Variants in YIPF3 observed in about 807,000 individuals in gnomAD.
The protein encoded by YIPF3 is Yip1 domain family member 3, also known as protein YIPF3.
YIPF3 carries 18 observed loss-of-function variants against 40.3 expected under a neutral mutation model. The observed-to-expected ratio is 0.45, with a 90% CI of 0.31 to 0.66. The LOEUF is 0.66. YIPF3 is among the 30% of genes least tolerant of loss of function. The pLI, the probability that YIPF3 is intolerant of heterozygous loss-of-function variation, is 0.07. For missense variants in YIPF3, 406 were observed against 452.2 expected, an observed-to-expected ratio of 0.90 and a Z score of 0.93; for synonymous variants, 190 against 179.6, an observed-to-expected ratio of 1.06 and a Z score of -0.46.
chr6:43,515,777 T>C, intron 2 of YIPF3, 76 bp from the exon 3 acceptor site: 2 of 1,605,776 alleles, frequency 1.2e-6, no homozygotes, highest in Non-Finnish European at 1.7e-6. Context: ...CCGTTTGATT[T>C]CTACATGGTT....
At chr6:43,516,678 A>G (rs1267834978) in intron 1 of YIPF3, 49 bp downstream of exon 1, 2 of 1,601,904 alleles carry the variant, frequency 1.2e-6, no homozygotes, top group African/African-American at 2.7e-5. Flanking sequence ...ACACTTCTGG[A>G]CATCGCCGGC....
chr6:43,515,906 G>T lies in YIPF3; in HGVS notation c.271C>A (p.Arg91=), dbSNP rs1199087219. 8.8e-6 allele frequency: 14 copies of T among 1,599,390 alleles called. No homozygotes were observed. The highest frequency in any genetic ancestry group is 1.1e-5 in the South Asian group (1 of 89,980). Residue 91 remains arginine, a synonymous_variant, in exon 2 of 9, where the codon CGG becomes AGG. Transcript: ENST00000372422. Reference sequence around the variant, plus strand: ...TTGCTTACCTGATCTGCCACCTGCCGGCTCAGCTGTCCCTTAAAGCCCTTC... The same window carrying T: ...TTGCTTACCTGATCTGCCACCTGCCTGCTCAGCTGTCCCTTAAAGCCCTTC... The part of the protein sequence containing the change: ...GMKGFKGQLS[R]QVADQMWQAG...
At chr6:43,515,846 C>T (rs778825672) in intron 2 of YIPF3, 43 bp downstream of exon 2, 12 of 1,585,312 alleles carry the variant, frequency 7.6e-6, no homozygotes, top group Non-Finnish European at 1.0e-5. Context: ...CGGGACATAC[C>T]TAGGTCTACT....
In YIPF3 at chr6:43,515,354, G is replaced by A. The variant is rs965133669; in HGVS notation, c.395+241C>T. On this transcript the variant is annotated intron_variant, in intron 3 of 8. Coordinates refer to ENST00000372422, the MANE Select transcript of YIPF3 (RefSeq NM_015388.4). Reference sequence around the variant, plus strand: ...CAAACTGGGGATGGGATTGAGGAATGTGGAACAGAGGAAGTGACATCTGAG... The same window carrying A: ...CAAACTGGGGATGGGATTGAGGAATATGGAACAGAGGAAGTGACATCTGAG... The A allele has an allele frequency of 1.3e-5, 8 of 607,374 alleles. No homozygotes were observed. In the African/African-American group the frequency reaches 1.5e-4, roughly 11 times the overall value. 37.6% of individuals were successfully genotyped at this position (607,374 alleles called of 1,614,324 possible). A position where few individuals can be genotyped will look rare whatever the true frequency, so the allele number is the denominator to read the frequency against.
In YIPF3 at chr6:43,515,715, G is replaced by A; in HGVS notation, c.289-14C>T. ...AGCCTGCCACATCTGAAGTAAGGAA[G>A]ATGGGCATAGGTATTGTGGTACTGT... On this transcript the variant is annotated splice_polypyrimidine_tract_variant and intron_variant, in intron 2 of 8. Coordinates refer to ENST00000372422, the MANE Select transcript of YIPF3 (RefSeq NM_015388.4). The A allele has an allele frequency of 6.2e-7, 1 of 1,613,920 alleles. No homozygotes were observed.
chr6:43,512,880 AAGG>A lies in YIPF3; in HGVS notation c.667-9_667-7del. The stretch of plus-strand genomic sequence containing the variant: ...TGCCCAAAGAGGCCATAGCCCTGGG[AAGG>A]AGGATGGTGGAGAGGAAAATCATTC... On this transcript the variant is annotated splice_polypyrimidine_tract_variant and splice_region_variant and intron_variant, in intron 6 of 8. Transcript: ENST00000372422. 6.2e-7 allele frequency: 1 copy of A among 1,612,726 alleles called. No homozygotes were observed. Among genetic ancestry groups the A allele is most frequent in the Non-Finnish European group, 8.5e-7 (1 of 1,179,220 alleles).
chr6:43,513,710 T>C, intron 3 of YIPF3, 77 bp from the exon 4 acceptor site: 1 of 1,415,554 alleles, frequency 7.1e-7, no homozygotes, highest in East Asian at 2.3e-5. Flanking sequence ...CTGAATTTTA[T>C]TCATCTCTAA....
intron 8 of YIPF3, 54 bp downstream of exon 8, chr6:43,512,386 G>C (rs1436063506): frequency 1.5e-5 from 24 of 1,614,096 alleles, no homozygotes; most frequent in Non-Finnish European, 1.5e-5. Flanking sequence ...CTAGCTTCTT[G>C]CTCTAGGCAG....
chr6:43,516,000 C>T lies in YIPF3; in HGVS notation c.177G>A (p.Glu59=), dbSNP rs762608457. 6.2e-7 allele frequency: 1 copy of T among 1,614,240 alleles called. No homozygotes were observed. The change falls in exon 2 of 9, where the codon GAG becomes GAA. Residue 59 remains glutamate, a synonymous_variant. Transcript: ENST00000372422. ...DMGELHQRLR[E]EEVDADAADA... ...CAGCTGCATCAGCGTCTACTTCTTC[C>T]TCGCGCAGGCGCTGATGCAGCTCAC...
chr6:43,512,810 A>C lies in YIPF3; in HGVS notation c.731T>G (p.Leu244Arg). The C allele has an allele frequency of 6.2e-7, 1 of 1,614,068 alleles. No individual in the cohort carries two copies. The highest frequency in any genetic ancestry group is 8.5e-7 in the Non-Finnish European group (1 of 1,180,028). Residue 244 changes from leucine (L) to arginine (R), a missense_variant, in exon 7 of 9, where the codon CTC becomes CGC. Leu to Arg is a moderately radical substitution (Grantham distance 102). Transcript: ENST00000372422. The part of the protein sequence containing the change: ...FITYNIHLHA[L>R]FYLFWLLVGG... ...CACCAACAGCCAGAAGAGGTAGAAG[A>C]GGGCGTGGAGGTGGATATTATAGGT...
At chr6:43,516,680 A>G (rs113993708) in intron 1 of YIPF3, 47 bp downstream of exon 1, 1 of 1,605,268 alleles carries the variant, frequency 6.2e-7, no homozygotes, top group Non-Finnish European at 8.5e-7. Flanking sequence ...ACTTCTGGAC[A>G]TCGCCGGCCC....
intron 3 of YIPF3, chr6:43,515,323 A>C: frequency 1.8e-6 from 1 of 546,766 alleles, no homozygotes; most frequent in Non-Finnish European, 3.5e-6. Flanking sequence ...GAACACCAGG[A>C]GAGAACAAAC....
intron 3 of YIPF3, 102 bp downstream of exon 3, chr6:43,515,493 A>T: frequency 8.8e-7 from 1 of 1,130,398 alleles, no homozygotes; most frequent in Non-Finnish European, 1.3e-6. Flanking sequence ...TGGGGTCATG[A>T]AGACGGGGAG....
Position 43,515,612 on chromosome 6 carries a change from A to G in YIPF3, c.378T>C (p.Pro126=). ...DILRPYFDVE[P]AQVRSRLLES... is the part of the protein sequence containing the mutation. ...CTCCTCACCTGCTTCGCACCTGAGC[A>G]GGCTCCACATCAAAGTAGGGTCTGA... The change falls in exon 3 of 9, where the codon CCT becomes CCC. Residue 126 remains proline (P), a synonymous_variant. Coordinates refer to ENST00000372422, the MANE Select transcript of YIPF3 (RefSeq NM_015388.4). 1 of 1,613,572 alleles carries G rather than the reference A, an allele frequency of 6.2e-7. No homozygotes were observed. Among genetic ancestry groups the G allele is most frequent in the Non-Finnish European group, 8.5e-7 (1 of 1,180,022 alleles).
chr6:43,512,354 C>A (rs377106647), intron 8 of YIPF3, 39 bp from the exon 9 acceptor site: 6 of 1,612,778 alleles, frequency 3.7e-6, no homozygotes, highest in Non-Finnish European at 4.2e-6. Flanking sequence ...ATCAGATGGG[C>A]CCAGCCCACC....
In YIPF3 at chr6:43,513,523, C is replaced by G. The variant is rs574163483; in HGVS notation, c.441+65G>C. 73 of 1,609,490 alleles carry G rather than the reference C, an allele frequency of 4.5e-5. No homozygotes were observed. In the South Asian group the frequency reaches 7.0e-4, roughly 15 times the overall value. On this transcript the variant is annotated intron_variant, in intron 4 of 8. Transcript: ENST00000372422. ...CTGTTTATGGCTTCCCAGGATTTGC[C>G]TGGTGGTCCCACCCTCTGCCCTGGT...
chr6:43,515,255 G>C, intron 3 of YIPF3: 1 of 468,178 alleles, frequency 2.1e-6, no homozygotes, highest in Non-Finnish European at 4.3e-6. Flanking sequence ...GCCTCCCAAA[G>C]TGCTGGGATT....
chr6:43,515,333 C>G, intron 3 of YIPF3: 1 of 564,454 alleles, frequency 1.8e-6, no homozygotes, highest in Non-Finnish European at 3.4e-6. Flanking sequence ...AGAGAACAAA[C>G]TGGGGATGGG....
Position 43,516,071 on chromosome 6 carries a change from T to A in YIPF3, c.106A>T (p.Met36Leu), listed in dbSNP as rs200691280. 1.2e-5 allele frequency: 19 copies of A among 1,614,268 alleles called. No homozygotes were observed. In the Admixed American group the frequency reaches 2.2e-4, roughly 18 times the overall value. ...IQGGGSAVID[M>L]ENMDDTSGSS... ...CCTGAGGTATCATCCATGTTCTCCA[T>A]GTCAATCACAGCTGAGCCTCCGCCC... Residue 36 changes from methionine (M) to leucine (L), a missense_variant, in exon 2 of 9, where the codon ATG becomes TTG. Met to Leu is a conservative substitution (Grantham distance 15). Coordinates refer to ENST00000372422, the MANE Select transcript of YIPF3 (RefSeq NM_015388.4).
Sources: allele counts gnomAD v4.1 joint callset, GRCh38; gene constraint gnomAD v4.1.1; transcripts MANE v1.5; gene names NCBI Gene and HGNC (gene_info 2026-07-23, HGNC 2026-07-21).